Variants in LCLAT1 observed in about 807,000 individuals in gnomAD.
The protein encoded by LCLAT1 is lysocardiolipin acyltransferase 1, also known as 1-AGP acyltransferase 8.
A neutral mutation model predicts 30.7 loss-of-function variants in LCLAT1; 11 were observed. The ratio of observed to expected loss-of-function variants is 0.36; its 90% CI spans 0.23 to 0.59. The LOEUF is 0.59. LCLAT1 is among the 20% of genes least tolerant of loss of function. The pLI is 0.77. For missense variants in LCLAT1, 402 were observed against 458.6 expected (o/e 0.88, Z 1.13); for synonymous variants, 155 against 151.3 (o/e 1.02, Z -0.18).
intron 5 of LCLAT1, among the ~76,000 whole-genome samples, chr2:30,638,985 C>T (rs1484357885): frequency 6.6e-6 from 1 of 152,210 alleles, no homozygotes; most frequent in Non-Finnish European, 1.5e-5. Flanking sequence ...CCTCTCCAAA[C>T]CATTCTGGTC....
chr2:30,634,643 G>A (rs972285032), intron 5 of LCLAT1, among the ~76,000 whole-genome samples: 7 of 152,184 alleles, frequency 4.6e-5, no homozygotes, highest in Non-Finnish European at 1.5e-5. Flanking sequence ...AAAGCAATGA[G>A]ATCTTTTAAA....
rs955018824 is a variant in LCLAT1 at position 30,642,632 on chromosome 2, G to C, written c.*2013G>C. 6.6e-6 allele frequency: 1 copy of C among 151,962 alleles called. No homozygotes were observed. Among genetic ancestry groups the C allele is most frequent in the African/African-American group, 2.4e-5 (1 of 41,392 alleles). 9.4% of individuals were successfully genotyped at this position (151,962 alleles called of 1,614,324 possible). A position where few individuals can be genotyped will look rare whatever the true frequency, so the allele number is the denominator to read the frequency against. ...TTCCTACAAACTCAAGAGGCTCATT[G>C]TTCAAGGTGTAACAACATTTAATTG... On this transcript the variant is annotated 3_prime_UTR_variant, in exon 6 of 6. Coordinates refer to ENST00000379509, the MANE Select transcript of LCLAT1 (RefSeq NM_001002257.3).
At chr2:30,625,533 C>T (rs1453374808) in intron 5 of LCLAT1, among the ~76,000 whole-genome samples, 1 of 152,142 alleles carries the variant, frequency 6.6e-6, no homozygotes, top group African/African-American at 2.4e-5. Flanking sequence ...CATCTTCAGC[C>T]AAATTTACTT....
intron 5 of LCLAT1, among the ~76,000 whole-genome samples, chr2:30,582,244 C>T (rs1255997989): frequency 2.8e-5 from 4 of 142,514 alleles, no homozygotes; most frequent in African/African-American, 1.0e-4. Context: ...CTAAATTGTT[C>T]AATAAATATT....
intron 1 of LCLAT1, among the ~76,000 whole-genome samples, chr2:30,479,017 A>G (rs1683190393): frequency 6.6e-6 from 1 of 152,142 alleles, no homozygotes; most frequent in South Asian, 2.1e-4. Context: ...AATGTTCATA[A>G]TGGCATTATT....
At chr2:30,618,713 A>G (rs1281037771) in intron 5 of LCLAT1, among the ~76,000 whole-genome samples, 1 of 152,116 alleles carries the variant, frequency 6.6e-6, no homozygotes, top group East Asian at 1.9e-4. Flanking sequence ...CTAAAAGTTA[A>G]AAAAAATAAA....
At chr2:30,586,167 C>T (rs562160982) in intron 5 of LCLAT1, among the ~76,000 whole-genome samples, 5 of 148,264 alleles carry the variant, frequency 3.4e-5, no homozygotes, top group African/African-American at 1.3e-4. Flanking sequence ...TGGCGTCAAC[C>T]CGGGAGGCGG....
At chr2:30,569,361 CAT>C (rs1228151403) in intron 5 of LCLAT1, among the ~76,000 whole-genome samples, 5 of 152,160 alleles carry the variant, frequency 3.3e-5, no homozygotes, top group African/African-American at 1.2e-4. Flanking sequence ...ACAAATAACA[CAT>C]ATATGAAGAA....
intron 1 of LCLAT1, among the ~76,000 whole-genome samples, chr2:30,511,146 G>A (rs1469646038): frequency 6.6e-6 from 1 of 152,128 alleles, no homozygotes; most frequent in East Asian, 1.9e-4. Context: ...AGGCTTGCAC[G>A]TAGGTGAGGC....
At chr2:30,636,466 G>A (rs1294502412) in intron 5 of LCLAT1, among the ~76,000 whole-genome samples, 1 of 152,138 alleles carries the variant, frequency 6.6e-6, no homozygotes, top group Non-Finnish European at 1.5e-5. Flanking sequence ...GTAATTTATA[G>A]ATATAGGAAC....
chr2:30,457,102 A>G (rs1328733513), intron 1 of LCLAT1, among the ~76,000 whole-genome samples: 3 of 152,210 alleles, frequency 2.0e-5, no homozygotes, highest in South Asian at 2.1e-4. Context: ...ATTTCTTAAG[A>G]GGTTTGACAG....
chr2:30,606,267 C>A (rs1667445195), intron 5 of LCLAT1: 1 of 318,298 alleles, frequency 3.1e-6, no homozygotes, highest in Non-Finnish European at 6.2e-6. Context: ...CAACAAAAAG[C>A]CCATATAGCC....
intron 1 of LCLAT1, among the ~76,000 whole-genome samples, chr2:30,492,265 G>A (rs1683873612): frequency 6.6e-6 from 1 of 152,176 alleles, no homozygotes; most frequent in African/African-American, 2.4e-5. Context: ...ATACTTCTAG[G>A]GAAGGAAGGA....
At chr2:30,454,483 C>G (rs1164367718) in intron 1 of LCLAT1, among the ~76,000 whole-genome samples, 1 of 152,088 alleles carries the variant, frequency 6.6e-6, no homozygotes, top group East Asian at 1.9e-4. Flanking sequence ...CAGGGTCTCA[C>G]TCTGTTGCCC....
At chr2:30,637,009 TAGAAGC>T (rs1669067016) in intron 5 of LCLAT1, among the ~76,000 whole-genome samples, 1 of 152,164 alleles carries the variant, frequency 6.6e-6, no homozygotes, top group African/African-American at 2.4e-5. Context: ...ACACAGATGT[TAGAAGC>T]AGAAGTATTG....
chr2:30,526,436 A>G (rs1334274315), intron 2 of LCLAT1, among the ~76,000 whole-genome samples: 1 of 152,064 alleles, frequency 6.6e-6, no homozygotes. Context: ...TTTATTTAAA[A>G]TACTGTAAGT....
intron 5 of LCLAT1, among the ~76,000 whole-genome samples, chr2:30,609,729 T>G (rs899290639): frequency 1.3e-5 from 2 of 152,174 alleles, no homozygotes; most frequent in African/African-American, 4.8e-5. Context: ...GTGTTCATTC[T>G]CTACTACACT....
At chr2:30,578,975 A>T (rs1666105553) in intron 5 of LCLAT1, among the ~76,000 whole-genome samples, 1 of 152,180 alleles carries the variant, frequency 6.6e-6, no homozygotes, top group African/African-American at 2.4e-5. Context: ...ATCAGTAAAA[A>T]GCATCTTTAC....
chr2:30,609,791 ATTAC>A (rs1454004070), intron 5 of LCLAT1, among the ~76,000 whole-genome samples: 1 of 152,238 alleles, frequency 6.6e-6, no homozygotes, highest in East Asian at 1.9e-4. Flanking sequence ...TTCCTGTGTT[ATTAC>A]TTAACTTTTC....
Sources: gnomAD v4.1 joint callset for allele counts (sites outside exome capture counted in the v4.1 genomes callset) on GRCh38, gnomAD v4.1.1 for gene constraint, MANE v1.5 for transcripts, NCBI Gene and HGNC (gene_info 2026-07-23, HGNC 2026-07-21) for gene names.